Variants in SLCO6A1 observed in about 807,000 individuals in gnomAD.
The protein encoded by SLCO6A1 is solute carrier organic anion transporter family member 6A1.
In SLCO6A1, 65 loss-of-function variants were observed where a neutral mutation model predicts 72.7. That is an observed-to-expected ratio of 0.89 (90% CI 0.73 to 1.10). The LOEUF (loss-of-function observed/expected upper bound fraction) is 1.10, where lower values mean the gene tolerates loss of function less well. Ranked by LOEUF, SLCO6A1 falls within the 50% of genes least tolerant of loss-of-function variation. SLCO6A1 has a pLI of 0.00. For missense variants in SLCO6A1, 874 were observed against 872.6 expected, an observed-to-expected ratio of 1.00 and a Z score of -0.02; for synonymous variants, 314 against 298.2, an observed-to-expected ratio of 1.05 and a Z score of -0.55.
intron 10 of SLCO6A1, among the ~76,000 whole-genome samples, chr5:102,397,565 T>A (rs574513374): frequency 1.3e-5 from 2 of 152,112 alleles, no homozygotes. Context: ...CCGGACCTCC[T>A]GGGAAATTTT....
chr5:102,446,597 G>A (rs1750121336), intron 6 of SLCO6A1, among the ~76,000 whole-genome samples: 1 of 152,104 alleles, frequency 6.6e-6, no homozygotes, highest in South Asian at 2.1e-4. Flanking sequence ...ATACTATGTT[G>A]AACAGGAGTG....
At position 102,453,530 on chromosome 5, in the gene SLCO6A1, T is replaced by C. The variant is rs548266337; in HGVS notation, c.1131+4852A>G. Among the ~76,000 whole-genome samples the C allele has an allele frequency of 5.9e-5, 9 of 152,222 alleles. No individual in the cohort carries two copies. In the East Asian group the frequency reaches 1.7e-3, roughly 29 times the overall value. ...TTCTTTCTTTGCATTTTTCATGAGG[T>C]TTTGTTGAAAATTGGACACTTTAAA... On this transcript the variant is annotated intron_variant, in intron 6 of 13. Transcript: ENST00000506729.
At chr5:102,486,760 A>G (rs1174769739) in intron 1 of SLCO6A1, among the ~76,000 whole-genome samples, 5 of 152,164 alleles carry the variant, frequency 3.3e-5, no homozygotes, top group African/African-American at 1.2e-4. Context: ...TACCATAAGT[A>G]CATTGTCTTT....
intron 4 of SLCO6A1, among the ~76,000 whole-genome samples, chr5:102,463,457 C>T (rs780127694): frequency 6.6e-6 from 1 of 152,164 alleles, no homozygotes; most frequent in Admixed American, 6.5e-5. Context: ...ATGAAAAAGA[C>T]ACTTGCACAT....
chr5:102,381,465 CTATT>C (rs1355711825), intron 12 of SLCO6A1, among the ~76,000 whole-genome samples: 1 of 151,652 alleles, frequency 6.6e-6, no homozygotes, highest in Non-Finnish European at 1.5e-5. Context: ...TTTCCATTGT[CTATT>C]TATCTGTCAA....
At chr5:102,443,932 A>C (rs1246269513) in intron 6 of SLCO6A1, among the ~76,000 whole-genome samples, 1 of 152,182 alleles carries the variant, frequency 6.6e-6, no homozygotes, top group East Asian at 1.9e-4. Flanking sequence ...AGTGCTATTC[A>C]ACCATCCCTA....
rs1310116014 is a variant in SLCO6A1, at chr5:102,493,380, T to C, written c.358+5107A>G. On this transcript the variant is annotated intron_variant, in intron 1 of 13. Coordinates refer to ENST00000506729, the MANE Select transcript of SLCO6A1 (RefSeq NM_173488.5). ...TAAAAAACGCAATATATCATATTAA[T>C]ACAACAAATTTTTCCTTATGAACAT... Among the ~76,000 whole-genome samples the C allele has an allele frequency of 2.6e-5, 4 of 152,292 alleles. No homozygotes were observed. In the East Asian group the frequency reaches 7.7e-4, roughly 29 times the overall value.
intron 9 of SLCO6A1, among the ~76,000 whole-genome samples, chr5:102,411,596 AT>A (rs111501034): frequency 2.3e-4 from 34 of 148,036 alleles, no homozygotes; most frequent in Middle Eastern, 3.4e-3. Flanking sequence ...CTAAGCTCTG[AT>A]TTTTTTTTTT....
intron 12 of SLCO6A1, among the ~76,000 whole-genome samples, chr5:102,378,584 G>C (rs548580837): frequency 2.7e-5 from 4 of 146,832 alleles, no homozygotes; most frequent in African/African-American, 9.7e-5. Flanking sequence ...TATTTATATA[G>C]CAAACCAAAA....
chr5:102,495,636 AAAAT>A (rs1259076759), intron 1 of SLCO6A1, among the ~76,000 whole-genome samples: 102 of 152,264 alleles, frequency 6.7e-4, no homozygotes, highest in Non-Finnish European at 1.2e-4. Flanking sequence ...TAAATAATAA[AAAAT>A]AAAATTGATT....
At chr5:102,444,606 A>AT (rs1050656724) in intron 6 of SLCO6A1, among the ~76,000 whole-genome samples, 17 of 151,742 alleles carry the variant, frequency 1.1e-4, no homozygotes, top group Middle Eastern at 3.4e-3. Context: ...GCAAATTTAA[A>AT]TTTTTTTTTG....
intron 7 of SLCO6A1, among the ~76,000 whole-genome samples, 175 bp from the exon 8 acceptor site, chr5:102,420,196 AC>A (rs1748516770): frequency 6.6e-6 from 1 of 152,194 alleles, no homozygotes; most frequent in African/African-American, 2.4e-5. Flanking sequence ...CTTAATAGAA[AC>A]AAAAACCTGT....
At chr5:102,435,483 C>T (rs1375066637) in intron 7 of SLCO6A1, among the ~76,000 whole-genome samples, 1 of 152,102 alleles carries the variant, frequency 6.6e-6, no homozygotes, top group East Asian at 1.9e-4. Context: ...ATGTAGAATC[C>T]AAGAAGCAGA....
intron 8 of SLCO6A1, among the ~76,000 whole-genome samples, chr5:102,418,963 T>C (rs1002400515): frequency 3.9e-5 from 6 of 152,142 alleles, no homozygotes; most frequent in Non-Finnish European, 7.4e-5. Flanking sequence ...GGCCTTTCTA[T>C]GTACTAATTT....
rs1208817539 is a variant in SLCO6A1, at chr5:102,377,963, T to C, written c.2018-4469A>G. On this transcript the variant is annotated intron_variant, in intron 12 of 13. Coordinates refer to ENST00000506729, the MANE Select transcript of SLCO6A1 (RefSeq NM_173488.5). ...ATTTATTAACTGGTAAACTCTAGCATATAAATTTAATGTATAAGTAATTTT... is the reference window on the plus strand; with the variant it reads ...ATTTATTAACTGGTAAACTCTAGCACATAAATTTAATGTATAAGTAATTTT... 3.3e-5 allele frequency among the ~76,000 whole-genome samples: 5 copies of C among 151,522 alleles called. 1 individual carries two copies. Among genetic ancestry groups the C allele is most frequent in the Admixed American group, 3.3e-4 (5 of 15,232 alleles).
intron 12 of SLCO6A1, among the ~76,000 whole-genome samples, chr5:102,383,766 G>A (rs752317194): frequency 1.3e-5 from 2 of 151,792 alleles, no homozygotes; most frequent in Non-Finnish European, 3.0e-5. Context: ...TTTGAGAAAG[G>A]TTAGTATTAT....
chr5:102,408,812 T>G (rs1246866432), intron 9 of SLCO6A1, among the ~76,000 whole-genome samples: 1 of 152,100 alleles, frequency 6.6e-6, no homozygotes, highest in East Asian at 1.9e-4. Flanking sequence ...AAATACATAT[T>G]AAAAATAACA....
intron 4 of SLCO6A1, among the ~76,000 whole-genome samples, chr5:102,464,974 A>G (rs1751238234): frequency 2.0e-5 from 3 of 152,210 alleles, no homozygotes. Context: ...TTTGTACCTC[A>G]GAATCTGCTA....
rs558306456 is a variant in SLCO6A1, at chr5:102,405,583, T to G, written c.1627-5841A>C. On this transcript the variant is annotated intron_variant, in intron 9 of 13. Transcript: ENST00000506729. ...CCCAGAATTCAATGTCTAGTGAAAA[T>G]ATCCTTCAGGAATGAAGGCAAGACA... 4.6e-5 allele frequency among the ~76,000 whole-genome samples: 7 copies of G among 152,022 alleles called. No homozygotes were observed. The East Asian group carries it at 1.4e-3, about 29-fold the overall frequency.
Sources: gnomAD v4.1 joint callset for allele counts (sites outside exome capture counted in the v4.1 genomes callset) on GRCh38, gnomAD v4.1.1 for gene constraint, MANE v1.5 for transcripts, NCBI Gene and HGNC (gene_info 2026-07-23, HGNC 2026-07-21) for gene names.